The following MPDZ variants were observed in gnomAD, a reference collection of about 807,000 sequenced individuals.
MPDZ encodes the protein multiple PDZ domain crumbs cell polarity complex component, also known as multiple PDZ domain protein.
In MPDZ, 234 loss-of-function variants were observed where a neutral mutation model predicts 239.1. The observed-to-expected ratio is 0.98, with a 90% confidence interval of 0.88 to 1.09. MPDZ has a LOEUF of 1.09. Among genes scored for constraint, MPDZ ranks in the 50% least tolerant of loss-of-function variants. The probability of loss-of-function intolerance (pLI) is 0.00; values close to 1 mark genes in which losing one functional copy is unlikely to be tolerated. For synonymous variants in MPDZ, 1,048 were observed against 881.3 expected (o/e 1.19, Z -3.35); for missense variants, 3,175 against 2,510.0 (o/e 1.26, Z -5.66).
chr9:13,230,883 AACTTAG>A (rs1177925923), intron 3 of MPDZ, among the ~76,000 whole-genome samples: 3 of 152,174 alleles, frequency 2.0e-5, no homozygotes, highest in African/African-American at 4.8e-5. Flanking sequence ...AATGCTTAGA[AACTTAG>A]ACTTAGATGT....
intron 27 of MPDZ, among the ~76,000 whole-genome samples, chr9:13,141,372 T>G (rs1947646545): frequency 6.6e-6 from 1 of 152,144 alleles, no homozygotes; most frequent in African/African-American, 2.4e-5. Context: ...CTTAATCCAG[T>G]GCACTTTCCA....
At chr9:13,259,010 A>C (rs1970052591) in intron 1 of MPDZ, among the ~76,000 whole-genome samples, 1 of 150,070 alleles carries the variant, frequency 6.7e-6, no homozygotes, top group African/African-American at 2.4e-5. Context: ...GCTTGAACCC[A>C]GGAGGCAGAG....
chr9:13,186,676 A>T (rs1263489389), intron 17 of MPDZ, among the ~76,000 whole-genome samples: 1 of 151,910 alleles, frequency 6.6e-6, no homozygotes, highest in Admixed American at 6.6e-5. Context: ...GAATTTTTTT[A>T]AATGAATTTT....
intron 1 of MPDZ, among the ~76,000 whole-genome samples, chr9:13,251,420 T>C (rs1486615542): frequency 6.6e-6 from 1 of 152,192 alleles, no homozygotes; most frequent in African/African-American, 2.4e-5. Context: ...AGATCTGCAT[T>C]GCTAACATCC....
Position 13,113,976 on chromosome 9 carries a change from A to G in MPDZ, c.5512T>C (p.Ser1838Pro). 6.3e-7 allele frequency: 1 copy of G among 1,599,360 alleles called. No homozygotes were observed. Among genetic ancestry groups the G allele is most frequent in the Non-Finnish European group, 8.5e-7 (1 of 1,172,422 alleles). ...LSSFTFPLSG[S>P]STSESLESSS... ...CTTTCCAGTGACTCAGATGTACTGGATCCAGAGAGTGGAAAAGTGAAAGAT... is the reference window on the plus strand; with the variant it reads ...CTTTCCAGTGACTCAGATGTACTGGGTCCAGAGAGTGGAAAAGTGAAAGAT... The change falls in exon 41 of 47, where the codon TCC becomes CCC. Residue 1838 changes from serine (S) to proline (P), a missense_variant. Ser to Pro is a moderately conservative substitution (Grantham distance 74, BLOSUM62 -1). Coordinates refer to ENST00000319217, the MANE Select transcript of MPDZ (RefSeq NM_001378778.1).
intron 19 of MPDZ, among the ~76,000 whole-genome samples, chr9:13,177,450 T>C (rs1952647295): frequency 6.6e-6 from 1 of 152,170 alleles, no homozygotes; most frequent in African/African-American, 2.4e-5. Flanking sequence ...GCATAATATA[T>C]ACATATAAGT....
At chr9:13,163,168 A>C (rs2133680558) in intron 22 of MPDZ, among the ~76,000 whole-genome samples, 1 of 152,274 alleles carries the variant, frequency 6.6e-6, no homozygotes, top group Admixed American at 6.5e-5. Context: ...ATTTTGCCCA[A>C]AGATTTCTGG....
chr9:13,113,060 A>C lies in MPDZ; in HGVS notation c.5558-6T>G, dbSNP rs1299487326. ...TCCCTGTATTTCAGATGCCACTGTA[A>C]AGGCAAAAAAGATAAAATAGGGTTA... On this transcript the variant is annotated splice_polypyrimidine_tract_variant and splice_region_variant and intron_variant, in intron 41 of 46. Coordinates refer to ENST00000319217, the MANE Select transcript of MPDZ (RefSeq NM_001378778.1). 6.4e-7 allele frequency: 1 copy of C among 1,567,598 alleles called. No homozygotes were observed. Among genetic ancestry groups the C allele is most frequent in the Non-Finnish European group, 8.7e-7 (1 of 1,154,736 alleles).
chr9:13,196,922 G>A (rs1346059136), intron 12 of MPDZ, among the ~76,000 whole-genome samples: 1 of 151,750 alleles, frequency 6.6e-6, no homozygotes, highest in African/African-American at 2.4e-5. Context: ...TTACTCGTAA[G>A]ATTTGTCTTT....
At chr9:13,194,520 G>A (rs1483501627) in intron 13 of MPDZ, among the ~76,000 whole-genome samples, 2 of 151,996 alleles carry the variant, frequency 1.3e-5, no homozygotes, top group African/African-American at 4.8e-5. Context: ...CACAGGGAGG[G>A]AAACATCACA....
At chr9:13,174,355 A>G (rs1169408277) in intron 21 of MPDZ, among the ~76,000 whole-genome samples, 1 of 152,220 alleles carries the variant, frequency 6.6e-6, no homozygotes, top group Non-Finnish European at 1.5e-5. Flanking sequence ...ATAGTATTAA[A>G]ATAAATGTTT....
chr9:13,158,184 T>G, intron 23 of MPDZ, 74 bp from the exon 24 acceptor site: 2 of 1,131,878 alleles, frequency 1.8e-6, no homozygotes, highest in South Asian at 2.8e-5. Flanking sequence ...ACTCTACTAT[T>G]GATTTAGCTA....
At position 13,123,274 on chromosome 9, in the gene MPDZ, G is replaced by T. The variant is rs1465457337; in HGVS notation, c.4832C>A (p.Ala1611Glu). The change falls in exon 36 of 47, where the codon GCA (alanine) becomes GAA (glutamate). Residue 1611 changes from alanine to glutamate, a missense_variant. Transcript: ENST00000319217. ...GGTTGCAGGATCAGAAGCAAAAATT[G>T]CTGGTGTTGATGATCTGCTTGTATC... ...IRNTSRSSTP[A>E]IFASDPATCP... 6.2e-7 allele frequency: 1 copy of T among 1,612,100 alleles called. No homozygotes were observed. Among genetic ancestry groups the T allele is most frequent in the Admixed American group, 1.7e-5 (1 of 59,800 alleles).
chr9:13,270,362 A>G (rs569493324), intron 1 of MPDZ, among the ~76,000 whole-genome samples: 20 of 152,324 alleles, frequency 1.3e-4, no homozygotes, highest in African/African-American at 4.8e-4. Flanking sequence ...ACAGGTTTTC[A>G]TAACAGAATG....
At chr9:13,124,412 TAAAAG>T (rs1315781897) in intron 35 of MPDZ, among the ~76,000 whole-genome samples, 1 of 152,162 alleles carries the variant, frequency 6.6e-6, no homozygotes, top group African/African-American at 2.4e-5. Context: ...AAAAAACTGT[TAAAAG>T]AACAGTTTGG....
chr9:13,270,251 ATTTAT>A (rs1446661667), intron 1 of MPDZ, among the ~76,000 whole-genome samples: 1 of 152,224 alleles, frequency 6.6e-6, no homozygotes, highest in Non-Finnish European at 1.5e-5. Context: ...ATGTTGTTTT[ATTTAT>A]TTTGTTCGTC....
chr9:13,138,362 G>A (rs1045699666), intron 28 of MPDZ, among the ~76,000 whole-genome samples: 1 of 152,134 alleles, frequency 6.6e-6, no homozygotes, highest in Non-Finnish European at 1.5e-5. Context: ...TTTGCATCTA[G>A]GGTGCAGAGA....
intron 15 of MPDZ, among the ~76,000 whole-genome samples, chr9:13,191,135 T>C (rs548700495): frequency 2.0e-5 from 3 of 152,256 alleles, no homozygotes; most frequent in South Asian, 2.1e-4. Flanking sequence ...ATTTGCTTTA[T>C]TGTAATAATC....
At chr9:13,235,549 C>G (rs1014664398) in intron 3 of MPDZ, among the ~76,000 whole-genome samples, 5 of 152,158 alleles carry the variant, frequency 3.3e-5, no homozygotes, top group African/African-American at 1.2e-4. Flanking sequence ...TTTCTGTTCA[C>G]AGCCATGAAT....
Sources: allele counts gnomAD v4.1 joint callset (sites outside exome capture counted in the v4.1 genomes callset), GRCh38; gene constraint gnomAD v4.1.1; transcripts MANE v1.5; gene names NCBI Gene and HGNC (gene_info 2026-07-23, HGNC 2026-07-21).